The following HCCS variants were observed in gnomAD, a reference collection of about 807,000 sequenced individuals.
HCCS encodes holocytochrome c synthase, also known as holocytochrome c-type synthase.
In HCCS, 2 loss-of-function variants were observed where a neutral mutation model predicts 24.2. The ratio of observed to expected loss-of-function variants is 0.08; its 90% CI spans 0.03 to 0.26. HCCS has a LOEUF of 0.26. HCCS is among the 10% of genes least tolerant of loss of function. HCCS has a pLI of 1.00. For missense variants in HCCS, 150 were observed against 213.3 expected, an observed-to-expected ratio of 0.70 and a Z score of 1.85; for synonymous variants, 73 against 76.2, an observed-to-expected ratio of 0.96 and a Z score of 0.22.
chrX:11,121,923 C>A lies in HCCS; in HGVS notation c.*113C>A. ...GTAATGGGAACTTCAAGTGGGTAAT[C>A]ACACTTTTTCCTTCACTTAACGAAG... On this transcript the variant is annotated 3_prime_UTR_variant, in exon 7 of 7. Transcript: ENST00000380762. 1 of 606,600 alleles carries A rather than the reference C, an allele frequency of 1.6e-6. No individual in the cohort carries two copies. The highest frequency in any genetic ancestry group is 2.7e-6 in the Non-Finnish European group (1 of 372,097). 50.0% of individuals were successfully genotyped at this position (606,600 alleles called of 1,213,427 possible).
At chrX:11,119,013 G>A (rs1025631921) in intron 5 of HCCS, among the ~76,000 whole-genome samples, 1 of 111,335 alleles carries the variant, frequency 9.0e-6, no homozygotes. Flanking sequence ...GTCATATGGT[G>A]GCTAGGTTCC....
At position 11,118,262 on chromosome X, in the gene HCCS, G is replaced by T. The variant is rs1052766273; in HGVS notation, c.402-239G>T. On this transcript the variant is annotated intron_variant, in intron 4 of 6. Coordinates refer to ENST00000380762, the MANE Select transcript of HCCS (RefSeq NM_005333.5). ...TGTGACTCAGTAAAATGAGACTAAG[G>T]TGAACCTTTTATATTTGTTTTCAAT... 2.1e-5 allele frequency: 9 copies of T among 423,371 alleles called. No individual in the cohort carries two copies. The African/African-American group carries it at 2.2e-4, about 10-fold the overall frequency. 34.9% of individuals were successfully genotyped at this position (423,371 alleles called of 1,213,427 possible). A position where few individuals can be genotyped will look rare whatever the true frequency, so the allele number is the denominator to read the frequency against.
intron 4 of HCCS, 114 bp from the exon 5 acceptor site, chrX:11,118,387 C>G (rs752263481): frequency 1.4e-6 from 1 of 704,152 alleles, no homozygotes; most frequent in Non-Finnish European, 2.3e-6. Context: ...AATGAGCATT[C>G]TTAGTTCTTT....
At chrX:11,117,792 A>C (rs1239445825) in intron 4 of HCCS, among the ~76,000 whole-genome samples, 4 of 112,135 alleles carry the variant, frequency 3.6e-5, no homozygotes, top group Non-Finnish European at 7.5e-5. Context: ...CTCAAGATGC[A>C]AGAAGAACTG....
rs3086668 is a variant in HCCS, at chrX:11,111,355, A to AGGCGGCGGCGGCGGCGGCGGC, written c.-201_-181dup. 1.0e-4 allele frequency: 17 copies of AGGCGGCGGCGGCGGCGGCGGC among 162,650 alleles called. 1 individual carries two copies. The highest frequency in any genetic ancestry group is 9.8e-4 in the East Asian group (4 of 4,086). The allele number at this position is 162,650 out of a possible 1,213,427, so 13.4% of individuals were successfully genotyped here. On this transcript the variant is annotated 5_prime_UTR_variant, in exon 1 of 7. Coordinates refer to ENST00000380762, the MANE Select transcript of HCCS (RefSeq NM_005333.5). ...CCACAGCGGTGACCGAGTGAGAGGAAGGCGGCGGCGGCGGCGGCGGCGGCG... is the reference window on the plus strand; with the variant it reads ...CCACAGCGGTGACCGAGTGAGAGGAAGGCGGCGGCGGCGGCGGCGGCGGCGGCGGCGGCGGCGGCGGCGGCG...
intron 2 of HCCS, among the ~76,000 whole-genome samples, chrX:11,113,808 A>G (rs1240186668): frequency 8.9e-6 from 1 of 112,383 alleles, no homozygotes; most frequent in Non-Finnish European, 1.9e-5. Context: ...TTTCAGTGGT[A>G]GAGAGGAAAG....
At chrX:11,119,151 C>T (rs914295261) in intron 5 of HCCS, among the ~76,000 whole-genome samples, 1 of 111,942 alleles carries the variant, frequency 8.9e-6, no homozygotes, top group African/African-American at 3.3e-5. Context: ...GCAGAAGGAG[C>T]ATTACAGCCC....
At chrX:11,111,960 G>T (rs979657423) in intron 1 of HCCS, 59 bp from the exon 2 acceptor site, 21 of 632,875 alleles carry the variant, frequency 3.3e-5, no homozygotes, top group Non-Finnish European at 5.3e-5. Flanking sequence ...GACCAGATTA[G>T]GACTAACGAG....
rs181772486 is a variant in HCCS, at chrX:11,121,854, C to T, written c.*44C>T. 17 of 1,044,267 alleles carry T rather than the reference C, an allele frequency of 1.6e-5. No homozygotes were observed. The highest frequency in any genetic ancestry group is 1.4e-4 in the Admixed American group (6 of 43,957). The allele number at this position is 1,044,267 out of a possible 1,213,427, so 86.1% of individuals were successfully genotyped here. ...AAAATATAAACTATTTTTTTCTGAG[C>T]GATACATTAAACTATTTTCCCCAGA... On this transcript the variant is annotated 3_prime_UTR_variant, in exon 7 of 7. Coordinates refer to ENST00000380762, the MANE Select transcript of HCCS (RefSeq NM_005333.5).
chrX:11,114,945 A>G lies in HCCS; in HGVS notation c.211A>G (p.Thr71Ala). The change falls in exon 3 of 7, where the codon ACT (threonine) becomes GCT (alanine). Residue 71 changes from threonine to alanine, a missense_variant. Thr to Ala is a moderately conservative substitution (Grantham distance 58). Transcript: ENST00000380762. ...GTACGTGGAGTGTCCCATTAGGGGC[A>G]CTGCGGCTGAGAATAAGGAGAACCT... is the stretch of plus-strand genomic sequence containing the variant. ...YEYVECPIRG[T>A]AAENKENLDP... 1 of 1,207,772 alleles carries G rather than the reference A, an allele frequency of 8.3e-7. No individual in the cohort carries two copies. The highest frequency in any genetic ancestry group is 3.0e-5 in the East Asian group (1 of 33,843).
In HCCS at chrX:11,122,075, T is replaced by C. The variant is rs144860562; in HGVS notation, c.*265T>C. On this transcript the variant is annotated 3_prime_UTR_variant, in exon 7 of 7. Coordinates refer to ENST00000380762, the MANE Select transcript of HCCS (RefSeq NM_005333.5). ...AGTTTTTCCTTTACCTGCAGTATTG[T>C]CTGTATATTTCATCTCGAAAAGCCT... The C allele has an allele frequency of 3.5e-3, 1,095 of 312,924 alleles. 14 individuals are homozygous for C. The highest frequency in any genetic ancestry group is 0.027 in the African/African-American group (1,018 of 37,474). The allele number at this position is 312,924 out of a possible 1,213,427, so 25.8% of individuals were successfully genotyped here. A position where few individuals can be genotyped will look rare whatever the true frequency, so the allele number is the denominator to read the frequency against.
chrX:11,115,159 G>C (rs1037527693), intron 3 of HCCS, among the ~76,000 whole-genome samples, 173 bp downstream of exon 3: 1 of 112,148 alleles, frequency 8.9e-6, no homozygotes, highest in African/African-American at 3.2e-5. Flanking sequence ...GTAGTTTCAG[G>C]GAGTGCCTGG....
At chrX:11,119,842 G>T (rs1013881490) in intron 5 of HCCS, among the ~76,000 whole-genome samples, 47 of 112,357 alleles carry the variant, frequency 4.2e-4, no homozygotes, top group African/African-American at 1.5e-3. Context: ...TTACTTGTGT[G>T]ATTATGGAGC....
chrX:11,114,079 G>A (rs2045431475), intron 2 of HCCS, among the ~76,000 whole-genome samples: 1 of 112,792 alleles, frequency 8.9e-6, no homozygotes. Context: ...AGCATCCTGG[G>A]TCTTTGGGCA....
chrX:11,111,953 C>T, intron 1 of HCCS, 66 bp from the exon 2 acceptor site: 1 of 608,935 alleles, frequency 1.6e-6, no homozygotes, highest in Non-Finnish European at 2.8e-6. Flanking sequence ...AAGGGTTGAC[C>T]AGATTAGGAC....
intron 5 of HCCS, among the ~76,000 whole-genome samples, chrX:11,120,279 A>G (rs2045481961): frequency 9.0e-6 from 1 of 111,253 alleles, no homozygotes; most frequent in Admixed American, 9.5e-5. Context: ...GGTCTTGTAT[A>G]GCAGGTCAGT....
At chrX:11,116,766 T>C (rs1308680728) in intron 3 of HCCS, among the ~76,000 whole-genome samples, 1 of 112,559 alleles carries the variant, frequency 8.9e-6, no homozygotes, top group Non-Finnish European at 1.9e-5. Context: ...CCTTCTGACC[T>C]CGCAGCGTTG....
Position 11,112,100 on chromosome X carries a change from G to A in HCCS, c.40G>A (p.Ala14Thr). The A allele has an allele frequency of 1.7e-6, 2 of 1,210,201 alleles. No individual in the cohort carries two copies. Among genetic ancestry groups the A allele is most frequent in the East Asian group, 3.0e-5 (1 of 33,865 alleles). The stretch of plus-strand genomic sequence containing the variant: ...ATCTGCTCCTGCTGTTGCAGTTCAG[G>A]CCTCAAATGCTTCAGCGTCCCCACC... ...SPSAPAVAVQ[A>T]SNASASPPSG... is the part of the protein sequence containing the mutation. The change falls in exon 2 of 7, where the codon GCC becomes ACC. Residue 14 changes from alanine to threonine, a missense_variant. Ala to Thr is a moderately conservative substitution (Grantham distance 58, BLOSUM62 0). This residue lies in a region of HCCS where 95 missense variants were observed against 79.1 expected (regional missense o/e 1.20). Transcript: ENST00000380762.
intron 3 of HCCS, among the ~76,000 whole-genome samples, chrX:11,115,647 C>T (rs965828179): frequency 1.8e-5 from 2 of 111,880 alleles, no homozygotes; most frequent in Admixed American, 9.5e-5. Flanking sequence ...AAAGAAAGGG[C>T]GTGGGGGATA....
Sources: allele counts gnomAD v4.1 joint callset (sites outside exome capture counted in the v4.1 genomes callset), GRCh38; gene constraint gnomAD v4.1.1; regional missense constraint gnomAD v4.1.1; transcripts MANE v1.5; gene names NCBI Gene and HGNC (gene_info 2026-07-23, HGNC 2026-07-21).